KDR: variants seen among roughly 807,000 people sequenced by gnomAD.
KDR encodes the protein kinase insert domain receptor, also known as vascular endothelial growth factor receptor 2.
In KDR, 43 loss-of-function variants were observed where a neutral mutation model predicts 160.9. That is an observed-to-expected ratio of 0.27 (90% CI 0.21 to 0.34). The LOEUF is 0.34. KDR is among the 10% of genes least tolerant of loss of function. KDR has a pLI of 1.00. For missense variants in KDR, 1,469 were observed against 1,666.4 expected, an observed-to-expected ratio of 0.88 and a Z score of 2.06; for synonymous variants, 617 against 600.1, an observed-to-expected ratio of 1.03 and a Z score of -0.41.
At position 55,105,955 on chromosome 4, in the gene KDR, A is replaced by T. The variant is rs758788668; in HGVS notation, c.1537-15T>A. ...GTACTTACAGTCTGTGCGGGGAAAA[A>T]ACAAATCCCAGGCCATAAACAACGC... On this transcript the variant is annotated splice_polypyrimidine_tract_variant and intron_variant, in intron 11 of 29. Coordinates refer to ENST00000263923, the MANE Select transcript of KDR (RefSeq NM_002253.4). The T allele has an allele frequency of 6.5e-7, 1 of 1,541,054 alleles. No homozygotes were observed. The highest frequency in any genetic ancestry group is 1.1e-5 in the South Asian group (1 of 89,692).
At chr4:55,109,592 A>G (rs1051341422) in intron 9 of KDR, among the ~76,000 whole-genome samples, 11 of 152,110 alleles carry the variant, frequency 7.2e-5, no homozygotes, top group Non-Finnish European at 1.6e-4. Context: ...TGCTCAGGGG[A>G]AAAAAGGTGC....
At position 55,113,398 on chromosome 4, in the gene KDR, T is replaced by C. The variant is rs1720646000; in HGVS notation, c.882A>G (p.Ile294Met). Residue 294 changes from isoleucine to methionine, a missense_variant, in exon 7 of 30, where the codon ATA becomes ATG. Around this residue, in one of 7 missense-constraint regions of KDR, gnomAD observed 792 missense variants for 840.9 expected, o/e 0.94. Transcript: ENST00000263923. ...CTTGGTCACTCCGGGTTACACCATC[T>C]ATAGTTAAGGTGCTCAAAAATTTCT... Reference protein sequence around the residue: ...EMKKFLSTLTIDGVTRSDQGL... With the variant: ...EMKKFLSTLTMDGVTRSDQGL... 1 of 1,613,976 alleles carries C rather than the reference T, an allele frequency of 6.2e-7. No individual in the cohort carries two copies. Among genetic ancestry groups the C allele is most frequent in the Non-Finnish European group, 8.5e-7 (1 of 1,179,966 alleles).
chr4:55,085,692 C>T (rs937151426), intron 27 of KDR, among the ~76,000 whole-genome samples: 1 of 152,196 alleles, frequency 6.6e-6, no homozygotes, highest in Non-Finnish European at 1.5e-5. Flanking sequence ...ATTCCAATTT[C>T]CATTTTATTT....
In KDR at chr4:55,079,889, G is replaced by T; in HGVS notation, c.*52C>A. 1.4e-6 allele frequency: 2 copies of T among 1,460,598 alleles called. No individual in the cohort carries two copies. Among genetic ancestry groups the T allele is most frequent in the South Asian group, 2.3e-5 (2 of 88,078 alleles). 90.5% of individuals were successfully genotyped at this position (1,460,598 alleles called of 1,614,324 possible). A position where few individuals can be genotyped will look rare whatever the true frequency, so the allele number is the denominator to read the frequency against. On this transcript the variant is annotated 3_prime_UTR_variant, in exon 30 of 30. Transcript: ENST00000263923. ...TGGAAAGAACAACACTTGAAAATCTGAGCAGCACCTCTCATGTGATGTCCA... is the reference window on the plus strand; with the variant it reads ...TGGAAAGAACAACACTTGAAAATCTTAGCAGCACCTCTCATGTGATGTCCA...
Position 55,120,870 on chromosome 4 carries a change from G to GTGTA in KDR, c.161+226_161+227insTACA, listed in dbSNP as rs1553914931. On this transcript the variant is annotated intron_variant, in intron 2 of 29. Transcript: ENST00000263923. The stretch of plus-strand genomic sequence containing the variant: ...TGTGTGCGTGTGTGTGTGTGTGTGT[G>GTGTA]TATGCATGTTGGCAGAGAATAGTAT... Among the ~76,000 whole-genome samples, 6 of 151,774 alleles carry GTGTA rather than the reference G, an allele frequency of 4.0e-5. No homozygotes were observed. The South Asian group carries it at 8.4e-4, about 21-fold the overall frequency.
At chr4:55,119,686 G>A (rs1720818517) in intron 2 of KDR, among the ~76,000 whole-genome samples, 1 of 152,148 alleles carries the variant, frequency 6.6e-6, no homozygotes, top group African/African-American at 2.4e-5. Flanking sequence ...GGAAACCAGA[G>A]CAGCCAGGTA....
chr4:55,087,530 C>CCTTCCA, intron 27 of KDR, 77 bp downstream of exon 27: 1 of 1,342,112 alleles, frequency 7.5e-7, no homozygotes, highest in Non-Finnish European at 1.1e-6. Flanking sequence ...ACAAGGTCTT[C>CCTTCCA]CTTCCACTTC....
At chr4:55,102,302 T>C in intron 14 of KDR, 60 bp downstream of exon 14, 7 of 1,566,762 alleles carry the variant, frequency 4.5e-6, no homozygotes, top group Non-Finnish European at 6.2e-6. Context: ...AATATGGCTT[T>C]TTAGATAACA....
chr4:55,090,028 G>T lies in KDR; in HGVS notation c.3120C>A (p.Asn1040Lys). 6.2e-7 allele frequency: 1 copy of T among 1,613,894 alleles called. No homozygotes were observed. Among genetic ancestry groups the T allele is most frequent in the Non-Finnish European group, 8.5e-7 (1 of 1,179,876 alleles). Reference protein sequence around the residue: ...AARNILLSEKNVVKICDFGLA... With the variant: ...AARNILLSEKKVVKICDFGLA... ...AGCCAAAGTCACAGATTTTAACCAC[G>T]TTCTTCTCCGATAAGAGGATATTTC... The change falls in exon 23 of 30, where the codon AAC becomes AAA. Residue 1040 changes from asparagine (N) to lysine (K), a missense_variant. Asn to Lys is a moderately conservative substitution (Grantham distance 94). Around this residue, in one of 7 missense-constraint regions of KDR, gnomAD observed 132 missense variants for 195.9 expected, o/e 0.67. Transcript: ENST00000263923.
chr4:55,082,117 C>A, intron 28 of KDR, 76 bp from the exon 29 acceptor site: 1 of 1,033,376 alleles, frequency 9.7e-7, no homozygotes, highest in South Asian at 1.3e-5. Context: ...GCTGATTTCT[C>A]AACCCATCTA....
In KDR at chr4:55,078,541, T is replaced by C; in HGVS notation, c.*1400A>G. The C allele has an allele frequency of 4.3e-6, 1 of 232,660 alleles. No homozygotes were observed. 14.4% of individuals were successfully genotyped at this position (232,660 alleles called of 1,614,324 possible). A position where few individuals can be genotyped will look rare whatever the true frequency, so the allele number is the denominator to read the frequency against. On this transcript the variant is annotated 3_prime_UTR_variant, in exon 30 of 30. Transcript: ENST00000263923. ...CAATTGCTGAAAGCATTATGACCTT[T>C]GTTATGCTACATAATACTGATACAA... is the stretch of plus-strand genomic sequence containing the variant.
At chr4:55,111,036 T>G (rs1265147919) in intron 7 of KDR, among the ~76,000 whole-genome samples, 1 of 152,158 alleles carries the variant, frequency 6.6e-6, no homozygotes, top group Non-Finnish European at 1.5e-5. Context: ...ACTCAAACAC[T>G]TGCTCCTCTG....
rs1031029723 is a variant in KDR at position 55,118,858 on chromosome 4, C to T, written c.162-58G>A. The stretch of plus-strand genomic sequence containing the variant: ...GAAGTGCCAGACTGTGAGGCTATTT[C>T]TAAGAAAAGAGAAAATTTGGTTTTG... On this transcript the variant is annotated intron_variant, in intron 2 of 29. Coordinates refer to ENST00000263923, the MANE Select transcript of KDR (RefSeq NM_002253.4). The T allele has an allele frequency of 5.6e-5, 81 of 1,447,844 alleles. 1 individual carries two copies. Among genetic ancestry groups the T allele is most frequent in the Admixed American group, 1.7e-4 (10 of 59,196 alleles). 89.7% of individuals were successfully genotyped at this position (1,447,844 alleles called of 1,614,324 possible). A position where few individuals can be genotyped will look rare whatever the true frequency, so the allele number is the denominator to read the frequency against.
rs184855581 is a variant in KDR at position 55,124,744 on chromosome 4, C to A, written c.67+483G>T. The stretch of plus-strand genomic sequence containing the variant: ...GTTCGAGCATGAAGACAACAACGGG[C>A]CGGGTCCCGCAAAGAGGCAGAACCG... On this transcript the variant is annotated intron_variant, in intron 1 of 29. Transcript: ENST00000263923. Among the ~76,000 whole-genome samples the A allele has an allele frequency of 1.5e-3, 223 of 152,256 alleles. 1 individual carries two copies. Among genetic ancestry groups the A allele is most frequent in the African/African-American group, 4.8e-3 (201 of 41,568 alleles).
chr4:55,125,162 G>C, intron 1 of KDR, 65 bp downstream of exon 1: 2 of 1,430,310 alleles, frequency 1.4e-6, no homozygotes, highest in Admixed American at 3.7e-5. Context: ...GTTAGATCTG[G>C]CTTTCAGGTC....
chr4:55,116,417 C>CAAA (rs66997115), intron 3 of KDR, among the ~76,000 whole-genome samples: 3 of 94,716 alleles, frequency 3.2e-5, no homozygotes, highest in Non-Finnish European at 2.1e-5. Context: ...AACTCCGTCT[C>CAAA]AAAAAAAAAA....
In KDR at chr4:55,105,952, A is replaced by G. The variant is rs878898371; in HGVS notation, c.1537-12T>C. 2 of 1,560,522 alleles carry G rather than the reference A, an allele frequency of 1.3e-6. No individual in the cohort carries two copies. Among genetic ancestry groups the G allele is most frequent in the Admixed American group, 1.7e-5 (1 of 59,932 alleles). ...AGGGTACTTACAGTCTGTGCGGGGA[A>G]AAAACAAATCCCAGGCCATAAACAA... On this transcript the variant is annotated splice_polypyrimidine_tract_variant and intron_variant, in intron 11 of 29. Transcript: ENST00000263923.
intron 18 of KDR, 52 bp downstream of exon 18, chr4:55,097,610 T>C: frequency 8.5e-7 from 1 of 1,177,434 alleles, no homozygotes; most frequent in Non-Finnish European, 1.3e-6. Context: ...TGCAACATAT[T>C]TAAAGACTAG....
At chr4:55,103,188 A>G (rs1228406759) in intron 13 of KDR, among the ~76,000 whole-genome samples, 1 of 152,208 alleles carries the variant, frequency 6.6e-6, no homozygotes, top group South Asian at 2.1e-4. Context: ...GATTTAAAGA[A>G]AATGAAGCCC....
Sources: gnomAD v4.1 joint callset for allele counts (sites outside exome capture counted in the v4.1 genomes callset) on GRCh38, gnomAD v4.1.1 for gene constraint, gnomAD v4.1.1 regional missense constraint, MANE v1.5 for transcripts, NCBI Gene and HGNC (gene_info 2026-07-23, HGNC 2026-07-21) for gene names.